The following THNSL1 variants were observed in gnomAD, a reference collection of about 807,000 sequenced individuals.
THNSL1 encodes threonine synthase-like 1.
THNSL1 carries 48 observed loss-of-function variants against 50.4 expected under a neutral mutation model. That is an observed-to-expected ratio of 0.95 (90% confidence interval 0.76 to 1.21). THNSL1 has a LOEUF of 1.21. THNSL1 is among the 50% of genes most tolerant of loss of function. The probability of loss-of-function intolerance (pLI) is 0.00; values close to 1 mark genes in which losing one functional copy is unlikely to be tolerated. For missense variants in THNSL1, 896 were observed against 871.7 expected, an observed-to-expected ratio of 1.03 and a Z score of -0.35; for synonymous variants, 309 against 306.1, an observed-to-expected ratio of 1.01 and a Z score of -0.10.
chr10:25,025,374 G>A lies in THNSL1; in HGVS notation c.2151G>A (p.Lys717=). Residue 717 remains lysine (K), a synonymous_variant, in exon 3 of 3, where the codon AAG becomes AAA. Transcript: ENST00000376356. The part of the protein sequence containing the change: ...ALLERTKQQE[K]MEYQVCAADM... ...TAGAGAGAACAAAACAGCAAGAGAA[G>A]ATGGAGTACCAGGTCTGTGCAGCTG... 1 of 1,614,234 alleles carries A rather than the reference G, an allele frequency of 6.2e-7. No individual in the cohort carries two copies. The highest frequency in any genetic ancestry group is 8.5e-7 in the Non-Finnish European group (1 of 1,180,034).
At chr10:24,999,365 CT>C in the THNSL1 span, 9 of 1,565,250 alleles carry the variant, frequency 5.7e-6, no homozygotes, top group East Asian at 1.8e-4. Context: ...CCTGCTAATG[CT>C]TTTAATATTA....
At chr10:24,973,903 G>A in the THNSL1 span, among the ~76,000 whole-genome samples, 1 of 152,026 alleles carries the variant, frequency 6.6e-6, no homozygotes, top group Non-Finnish European at 1.5e-5. Flanking sequence ...ACAGGCGTTC[G>A]CCACCACGCC....
the THNSL1 span, among the ~76,000 whole-genome samples, chr10:25,003,427 G>A: frequency 2.6e-5 from 4 of 152,166 alleles, no homozygotes; most frequent in Non-Finnish European, 5.9e-5. Flanking sequence ...GGCTGGTCTG[G>A]AAATCCTGGC....
chr10:24,956,916 C>A, the THNSL1 span, among the ~76,000 whole-genome samples: 1 of 152,126 alleles, frequency 6.6e-6, no homozygotes, highest in African/African-American at 2.4e-5. Context: ...GTGAACCGCA[C>A]ATGGGAGGGA....
chr10:24,991,380 T>C, the THNSL1 span, among the ~76,000 whole-genome samples: 1 of 152,214 alleles, frequency 6.6e-6, no homozygotes, highest in East Asian at 1.9e-4. Context: ...TGAAAACTTA[T>C]GCCTCCATCC....
At chr10:24,998,096 C>G in the THNSL1 span, among the ~76,000 whole-genome samples, 53 of 152,052 alleles carry the variant, frequency 3.5e-4, no homozygotes, top group African/African-American at 1.3e-3. Flanking sequence ...GTGCCCTCAC[C>G]TTTTTTCATG....
the THNSL1 span, among the ~76,000 whole-genome samples, chr10:24,956,792 G>C: frequency 0.29 from 44,830 of 152,032 alleles, 7,959 homozygotes; most frequent in East Asian, 0.45. Flanking sequence ...CCTGTGGCCT[G>C]TTAGGAACTG....
chr10:25,008,263 G>A, the THNSL1 span, among the ~76,000 whole-genome samples: 1 of 152,042 alleles, frequency 6.6e-6, no homozygotes, highest in Non-Finnish European at 1.5e-5. Context: ...AGAGACTTTG[G>A]AATAGTCTAG....
At chr10:24,962,800 C>T in the THNSL1 span, among the ~76,000 whole-genome samples, 5 of 152,156 alleles carry the variant, frequency 3.3e-5, no homozygotes, top group African/African-American at 1.2e-4. Context: ...CCTTCTGAAC[C>T]TAAAGCTCAG....
At chr10:25,009,119 GA>G in the THNSL1 span, among the ~76,000 whole-genome samples, 1 of 152,180 alleles carries the variant, frequency 6.6e-6, no homozygotes, top group Non-Finnish European at 1.5e-5. Context: ...GGTGGGAGGA[GA>G]GGGGAGGGAT....
the THNSL1 span, among the ~76,000 whole-genome samples, chr10:24,964,069 A>G: frequency 2.0e-5 from 3 of 152,210 alleles, no homozygotes; most frequent in African/African-American, 4.8e-5. Flanking sequence ...TGTCCTGTGT[A>G]TTGTAAACTG....
At chr10:24,995,702 C>T in the THNSL1 span, 9 of 1,613,994 alleles carry the variant, frequency 5.6e-6, no homozygotes, top group Non-Finnish European at 7.6e-6. Context: ...TGCTTGTCTC[C>T]AGTTCTTTTA....
the THNSL1 span, among the ~76,000 whole-genome samples, chr10:24,973,398 TG>T: frequency 6.6e-6 from 1 of 150,784 alleles, no homozygotes. Flanking sequence ...CAGGTCCAGG[TG>T]GGATGGAGCA....
the THNSL1 span, among the ~76,000 whole-genome samples, chr10:24,953,999 C>T: frequency 6.6e-6 from 1 of 152,128 alleles, no homozygotes; most frequent in Non-Finnish European, 1.5e-5. Flanking sequence ...TTTCTCAGCA[C>T]ACGGGTAAAC....
At chr10:24,991,383 C>T in the THNSL1 span, among the ~76,000 whole-genome samples, 2 of 151,918 alleles carry the variant, frequency 1.3e-5, no homozygotes, top group East Asian at 1.9e-4. Flanking sequence ...AAACTTATGC[C>T]TCCATCCTGT....
the THNSL1 span, among the ~76,000 whole-genome samples, chr10:24,974,280 A>C: frequency 3.1e-5 from 4 of 128,084 alleles, no homozygotes; most frequent in African/African-American, 1.9e-4. Context: ...TGTGATTTTT[A>C]AAAAAAAATC....
the THNSL1 span, chr10:24,984,117 C>T: frequency 2.5e-6 from 1 of 405,994 alleles, no homozygotes. Context: ...AAGTTGTCAT[C>T]TTGATTTTGT....
At chr10:24,958,097 T>C in the THNSL1 span, among the ~76,000 whole-genome samples, 3 of 152,138 alleles carry the variant, frequency 2.0e-5, no homozygotes, top group Non-Finnish European at 2.9e-5. Context: ...TGACACTAGA[T>C]TGGAAATACA....
chr10:24,995,614 T>C, the THNSL1 span: 1 of 1,538,458 alleles, frequency 6.5e-7, no homozygotes, highest in Non-Finnish European at 8.9e-7. Context: ...TATTTGAATT[T>C]CAGCCCTCTT....
Sources: gnomAD v4.1 joint callset for allele counts (sites outside exome capture counted in the v4.1 genomes callset) on GRCh38, gnomAD v4.1.1 for gene constraint, MANE v1.5 for transcripts, NCBI Gene and HGNC (gene_info 2026-07-23, HGNC 2026-07-21) for gene names.